Variants in SLC9A9 observed in about 807,000 individuals in gnomAD.
SLC9A9 encodes sodium/hydrogen exchanger 9.
SLC9A9 carries 62 observed loss-of-function variants against 77.8 expected under a neutral mutation model. The ratio of observed to expected loss-of-function variants is 0.80; its 90% CI spans 0.65 to 0.98. The LOEUF (loss-of-function observed/expected upper bound fraction) is 0.98. Ranked by LOEUF, SLC9A9 falls within the 50% of genes least tolerant of loss-of-function variation. The probability of loss-of-function intolerance (pLI) is 0.00; values close to 1 mark genes in which losing one functional copy is unlikely to be tolerated. For synonymous variants in SLC9A9, 320 were observed against 283.5 expected (o/e 1.13, Z -1.29); for missense variants, 775 against 774.9 (o/e 1.00, Z 0.00).
intron 6 of SLC9A9, among the ~76,000 whole-genome samples, chr3:143,583,875 A>G (rs1189486408): frequency 2.0e-5 from 3 of 152,228 alleles, no homozygotes; most frequent in Admixed American, 2.0e-4. Context: ...TGACTGTCCC[A>G]GGCCTACCAT....
At chr3:143,672,692 C>G (rs2039177561) in intron 5 of SLC9A9, among the ~76,000 whole-genome samples, 1 of 152,064 alleles carries the variant, frequency 6.6e-6, no homozygotes, top group African/African-American at 2.4e-5. Context: ...GTGCAAATAA[C>G]AGAGAAGGAT....
chr3:143,544,881 C>T (rs75398974), intron 9 of SLC9A9, among the ~76,000 whole-genome samples: 16,655 of 152,192 alleles, frequency 0.11, 1,129 homozygotes, highest in Non-Finnish European at 0.14. Context: ...CATTCTTCCG[C>T]ATGTGGCAAG....
chr3:143,418,676 G>T, intron 12 of SLC9A9, among the ~76,000 whole-genome samples: 1 of 152,142 alleles, frequency 6.6e-6, no homozygotes, highest in Non-Finnish European at 1.5e-5. Context: ...GGAATAAATT[G>T]TATGTCTAAG....
chr3:143,795,079 T>C lies in SLC9A9; in HGVS notation c.457-2A>G, dbSNP rs1203909285. ...TCCTAAGTTTTGAAAAAAGTGTCTC[T>C]GGGGAGAAAAAAAGATATTTAATAG... On this transcript the variant is annotated splice_acceptor_variant, in intron 3 of 15. Coordinates refer to ENST00000316549, the MANE Select transcript of SLC9A9 (RefSeq NM_173653.4). LOFTEE classifies it high-confidence loss of function. The C allele has an allele frequency of 1.9e-6, 3 of 1,612,102 alleles. No homozygotes were observed. The highest frequency in any genetic ancestry group is 2.2e-5 in the East Asian group (1 of 44,872).
At chr3:143,705,143 C>T (rs1206324982) in intron 4 of SLC9A9, among the ~76,000 whole-genome samples, 2 of 151,720 alleles carry the variant, frequency 1.3e-5, no homozygotes, top group Non-Finnish European at 2.9e-5. Context: ...TCATTTGCAA[C>T]AACCTGAATG....
intron 1 of SLC9A9, among the ~76,000 whole-genome samples, chr3:143,847,376 C>G (rs538682629): frequency 6.6e-6 from 1 of 152,236 alleles, no homozygotes; most frequent in East Asian, 1.9e-4. Flanking sequence ...AGAGTACAGA[C>G]AGATAATCTC....
chr3:143,623,255 C>T (rs539464108), intron 6 of SLC9A9, among the ~76,000 whole-genome samples: 20 of 152,240 alleles, frequency 1.3e-4, no homozygotes, highest in Admixed American at 5.2e-4. Flanking sequence ...AGCTCTGCAC[C>T]AAGAGGACCT....
intron 14 of SLC9A9, among the ~76,000 whole-genome samples, chr3:143,303,547 G>C (rs537229368): frequency 6.6e-6 from 1 of 152,290 alleles, no homozygotes; most frequent in African/African-American, 2.4e-5. Flanking sequence ...AGACTAGGTA[G>C]GAAGGGCCAG....
intron 2 of SLC9A9, among the ~76,000 whole-genome samples, chr3:143,829,983 C>A (rs766573226): frequency 1.3e-5 from 2 of 152,168 alleles, no homozygotes; most frequent in Non-Finnish European, 2.9e-5. Flanking sequence ...GAAGATCTAT[C>A]TAATCCTAAC....
intron 12 of SLC9A9, among the ~76,000 whole-genome samples, chr3:143,462,920 G>A (rs1036495989): frequency 8.5e-5 from 13 of 152,178 alleles, no homozygotes; most frequent in East Asian, 3.8e-4. Flanking sequence ...GCAGCCTGGC[G>A]GTGGTGTAAC....
intron 4 of SLC9A9, among the ~76,000 whole-genome samples, chr3:143,720,615 C>T (rs1455291094): frequency 6.6e-6 from 1 of 152,166 alleles, no homozygotes; most frequent in African/African-American, 2.4e-5. Flanking sequence ...CCTGTGGTGT[C>T]CTGACACACC....
At chr3:143,468,006 T>C (rs1050081024) in intron 11 of SLC9A9, among the ~76,000 whole-genome samples, 1 of 152,356 alleles carries the variant, frequency 6.6e-6, no homozygotes, top group Middle Eastern at 3.4e-3. Flanking sequence ...TTGACAGTTG[T>C]TCCTTTTTAT....
At chr3:143,614,532 C>G (rs1330883737) in intron 6 of SLC9A9, among the ~76,000 whole-genome samples, 1 of 152,178 alleles carries the variant, frequency 6.6e-6, no homozygotes, top group Non-Finnish European at 1.5e-5. Context: ...TAGAGTACAT[C>G]TTACTGACTG....
intron 14 of SLC9A9, among the ~76,000 whole-genome samples, chr3:143,275,349 T>C (rs992047014): frequency 2.6e-5 from 4 of 152,200 alleles, no homozygotes; most frequent in African/African-American, 9.6e-5. Context: ...ACTTATCTAA[T>C]GTCGGTTGTT....
chr3:143,563,521 A>AT (rs1386693993), intron 8 of SLC9A9, among the ~76,000 whole-genome samples: 1 of 152,132 alleles, frequency 6.6e-6, no homozygotes, highest in Non-Finnish European at 1.5e-5. Flanking sequence ...ATTTAAATGC[A>AT]TTGCCTCGTC....
chr3:143,660,969 G>T (rs2038969611), intron 5 of SLC9A9, among the ~76,000 whole-genome samples: 1 of 152,154 alleles, frequency 6.6e-6, no homozygotes, highest in South Asian at 2.1e-4. Flanking sequence ...CCCTCTTGGT[G>T]CCATTGTCAC....
intron 6 of SLC9A9, among the ~76,000 whole-genome samples, chr3:143,591,522 A>G (rs1452946994): frequency 6.6e-6 from 1 of 151,786 alleles, no homozygotes; most frequent in South Asian, 2.1e-4. Flanking sequence ...TCTTCAGGAC[A>G]TGGCTTTATC....
chr3:143,828,423 C>A (rs879410754), intron 2 of SLC9A9, among the ~76,000 whole-genome samples: 3 of 152,096 alleles, frequency 2.0e-5, no homozygotes, highest in African/African-American at 4.8e-5. Flanking sequence ...ATGGTCCCTG[C>A]CTTTGTGAAG....
At chr3:143,346,561 G>T (rs1238811558) in intron 14 of SLC9A9, among the ~76,000 whole-genome samples, 6 of 152,120 alleles carry the variant, frequency 3.9e-5, no homozygotes, top group African/African-American at 1.4e-4. Context: ...CTGAGTCGGG[G>T]GGGATCACTT....
Sources: allele counts gnomAD v4.1 joint callset (sites outside exome capture counted in the v4.1 genomes callset), GRCh38; gene constraint gnomAD v4.1.1; transcripts MANE v1.5; gene names NCBI Gene and HGNC (gene_info 2026-07-23, HGNC 2026-07-21).